PLD1: variants seen among roughly 807,000 people sequenced by gnomAD.
PLD1 encodes the protein phospholipase D1, also known as choline phosphatase 1.
In PLD1, 112 loss-of-function variants were observed where a neutral mutation model predicts 137.1. That is an observed-to-expected ratio of 0.82 (90% CI 0.70 to 0.96). The LOEUF (loss-of-function observed/expected upper bound fraction) is 0.96. Ranked by LOEUF, PLD1 falls within the 40% of genes least tolerant of loss-of-function variation. The pLI is 0.00. For synonymous variants in PLD1, 431 were observed against 454.7 expected, an observed-to-expected ratio of 0.95 and a Z score of 0.66; for missense variants, 1,321 against 1,342.0, an observed-to-expected ratio of 0.98 and a Z score of 0.24.
intron 8 of PLD1, among the ~76,000 whole-genome samples, chr3:171,719,905 T>C (rs569259742): frequency 6.6e-6 from 1 of 152,290 alleles, no homozygotes; most frequent in East Asian, 1.9e-4. Context: ...TAGAATAAAT[T>C]AACAAGTGAT....
intron 17 of PLD1, 142 bp from the exon 18 acceptor site, chr3:171,676,975 T>G (rs1285820589): frequency 3.3e-6 from 2 of 600,824 alleles, no homozygotes; most frequent in African/African-American, 3.7e-5. Context: ...GAACAACATT[T>G]TTATAATCAA....
intron 9 of PLD1, among the ~76,000 whole-genome samples, chr3:171,710,832 A>C (rs1348620263): frequency 7.2e-6 from 1 of 138,570 alleles, no homozygotes; most frequent in Non-Finnish European, 1.5e-5. Flanking sequence ...GCATGACTAT[A>C]TTGTGAGTTT....
intron 21 of PLD1, among the ~76,000 whole-genome samples, chr3:171,646,532 G>T (rs1158451173): frequency 6.6e-6 from 1 of 152,054 alleles, no homozygotes; most frequent in Non-Finnish European, 1.5e-5. Context: ...TTGTTGTAAT[G>T]GCATGGATTA....
At chr3:171,690,612 C>T (rs1298110206) in intron 13 of PLD1, among the ~76,000 whole-genome samples, 3 of 152,146 alleles carry the variant, frequency 2.0e-5, no homozygotes, top group Non-Finnish European at 4.4e-5. Flanking sequence ...GCTTGTTTAA[C>T]AGTGTGTTAT....
At chr3:171,689,618 A>C (rs1411206044) in intron 13 of PLD1, among the ~76,000 whole-genome samples, 1 of 152,070 alleles carries the variant, frequency 6.6e-6, no homozygotes, top group Admixed American at 6.5e-5. Flanking sequence ...CTTCTGCCTC[A>C]GCCTCCTGAG....
chr3:171,680,323 G>A (rs1481732060), intron 16 of PLD1, among the ~76,000 whole-genome samples: 1 of 145,582 alleles, frequency 6.9e-6, no homozygotes, highest in Non-Finnish European at 1.5e-5. Context: ...GCCTCCCAGG[G>A]CCAAGTGTTC....
intron 1 of PLD1, among the ~76,000 whole-genome samples, chr3:171,774,298 A>C (rs1377581146): frequency 6.6e-6 from 1 of 152,156 alleles, no homozygotes; most frequent in Admixed American, 6.5e-5. Flanking sequence ...TTTCCAGAGA[A>C]GTGGCCACAG....
chr3:171,652,538 T>A (rs985276417), intron 21 of PLD1, among the ~76,000 whole-genome samples: 5 of 152,128 alleles, frequency 3.3e-5, no homozygotes, highest in African/African-American at 1.2e-4. Context: ...GACATAGATT[T>A]TTCTTTAAAC....
At chr3:171,712,225 A>C (rs1249860297) in intron 9 of PLD1, among the ~76,000 whole-genome samples, 1 of 152,164 alleles carries the variant, frequency 6.6e-6, no homozygotes, top group Non-Finnish European at 1.5e-5. Flanking sequence ...TGGGCTGTGG[A>C]GACAGGGGAG....
At chr3:171,718,514 C>G (rs1235992053) in intron 8 of PLD1, among the ~76,000 whole-genome samples, 4 of 152,162 alleles carry the variant, frequency 2.6e-5, no homozygotes. Context: ...AGAGACACAA[C>G]AAAAAGAGGA....
chr3:171,778,498 G>A (rs1722663994), intron 1 of PLD1, among the ~76,000 whole-genome samples: 1 of 152,208 alleles, frequency 6.6e-6, no homozygotes, highest in African/African-American at 2.4e-5. Context: ...TAAGTGGCGA[G>A]GTAGCACACT....
At chr3:171,758,513 G>C (rs1311867592) in intron 1 of PLD1, among the ~76,000 whole-genome samples, 1 of 152,208 alleles carries the variant, frequency 6.6e-6, no homozygotes, top group African/African-American at 2.4e-5. Flanking sequence ...CCATGGACTA[G>C]CCTCGTAGGC....
chr3:171,730,360 C>T (rs1273995995), intron 6 of PLD1, among the ~76,000 whole-genome samples: 2 of 151,622 alleles, frequency 1.3e-5, no homozygotes, highest in Non-Finnish European at 2.9e-5. Context: ...TCTGAGGCAA[C>T]TGTCTGATCA....
In PLD1 at chr3:171,620,479, T is replaced by C; in HGVS notation, c.2635A>G (p.Arg879Gly). Residue 879 changes from arginine to glycine, a missense_variant, in exon 24 of 27, where the codon AGA becomes GGA. Transcript: ENST00000351298. ...TTTCCTTCGAGCTCTGCATGTGTTC[T>C]AAGACCACAGAATGATATGTAATTT... ...WINYISFCGL[R>G]THAELEGNLV... is the part of the protein sequence containing the mutation. 6.3e-7 allele frequency: 1 copy of C among 1,599,432 alleles called. No homozygotes were observed. Among genetic ancestry groups the C allele is most frequent in the Non-Finnish European group, 8.6e-7 (1 of 1,167,590 alleles).
chr3:171,614,128 T>G (rs953309397), intron 24 of PLD1, among the ~76,000 whole-genome samples: 5 of 152,222 alleles, frequency 3.3e-5, no homozygotes, highest in African/African-American at 1.2e-4. Context: ...GGTTAATATA[T>G]AAATCTATGA....
intron 1 of PLD1, among the ~76,000 whole-genome samples, chr3:171,788,068 A>G (rs1019679909): frequency 2.6e-5 from 4 of 151,786 alleles, no homozygotes; most frequent in Non-Finnish European, 2.9e-5. Context: ...TTAGCTGGGC[A>G]TGGTGGTACA....
At chr3:171,743,085 C>T (rs559558035) in intron 1 of PLD1, among the ~76,000 whole-genome samples, 1 of 152,246 alleles carries the variant, frequency 6.6e-6, no homozygotes, top group African/African-American at 2.4e-5. Flanking sequence ...GTAACCTGGG[C>T]AACTACCAGC....
intron 19 of PLD1, among the ~76,000 whole-genome samples, chr3:171,669,407 T>C (rs1237195393): frequency 6.6e-6 from 1 of 152,228 alleles, no homozygotes; most frequent in African/African-American, 2.4e-5. Context: ...CAAACTTTTT[T>C]TGTTTTTGTT....
chr3:171,658,582 C>T (rs1737408241), intron 21 of PLD1, among the ~76,000 whole-genome samples: 1 of 152,084 alleles, frequency 6.6e-6, no homozygotes, highest in Non-Finnish European at 1.5e-5. Flanking sequence ...TCCATTTATA[C>T]AAAATGCCCA....
Sources: allele counts gnomAD v4.1 joint callset (sites outside exome capture counted in the v4.1 genomes callset), GRCh38; gene constraint gnomAD v4.1.1; transcripts MANE v1.5; gene names NCBI Gene and HGNC (gene_info 2026-07-23, HGNC 2026-07-21).